Variants in LSAMP observed in about 807,000 individuals in gnomAD.
LSAMP encodes the protein limbic system-associated membrane protein.
Under a neutral mutation model 38.6 loss-of-function variants are expected in LSAMP, and 7 were observed. The ratio of observed to expected loss-of-function variants is 0.18; its 90% CI spans 0.10 to 0.34. The LOEUF (loss-of-function observed/expected upper bound fraction) is 0.34. Ranked by LOEUF, LSAMP falls within the 10% of genes least tolerant of loss-of-function variation. The probability of loss-of-function intolerance (pLI) is 1.00; values close to 1 mark genes in which losing one functional copy is unlikely to be tolerated. For synonymous variants in LSAMP, 154 were observed against 166.8 expected (o/e 0.92, Z 0.59); for missense variants, 313 against 420.0 (o/e 0.75, Z 2.23).
At chr3:115,872,548 A>G (rs1314297590) in intron 3 of LSAMP, among the ~76,000 whole-genome samples, 1 of 152,122 alleles carries the variant, frequency 6.6e-6, no homozygotes, top group Non-Finnish European at 1.5e-5. Flanking sequence ...CAGGAGGCCG[A>G]TAGGAGATGG....
intron 1 of LSAMP, among the ~76,000 whole-genome samples, chr3:116,304,378 A>G (rs1410331787): frequency 6.6e-6 from 1 of 152,200 alleles, no homozygotes; most frequent in Non-Finnish European, 1.5e-5. Flanking sequence ...AAAGCCAGAA[A>G]GACATTCAGA....
intron 1 of LSAMP, among the ~76,000 whole-genome samples, chr3:116,354,146 T>C (rs1411561939): frequency 6.6e-6 from 1 of 152,164 alleles, no homozygotes; most frequent in African/African-American, 2.4e-5. Flanking sequence ...GCTAATAGAA[T>C]AGTTGGTCTT....
At chr3:116,322,259 C>T (rs1345035742) in intron 1 of LSAMP, among the ~76,000 whole-genome samples, 1 of 152,104 alleles carries the variant, frequency 6.6e-6, no homozygotes, top group Non-Finnish European at 1.5e-5. Context: ...AACTGTTGGA[C>T]ACTTTTGGTA....
At chr3:115,817,313 A>G (rs1934061977) in intron 6 of LSAMP, among the ~76,000 whole-genome samples, 1 of 152,182 alleles carries the variant, frequency 6.6e-6, no homozygotes, top group Non-Finnish European at 1.5e-5. Flanking sequence ...TGTTATGCAT[A>G]TACTTTTTGC....
intron 6 of LSAMP, among the ~76,000 whole-genome samples, chr3:115,813,836 C>A (rs1028774505): frequency 2.0e-5 from 3 of 152,102 alleles, no homozygotes; most frequent in African/African-American, 7.2e-5. Flanking sequence ...TGTGGAAATG[C>A]AAATGATAAA....
intron 1 of LSAMP, among the ~76,000 whole-genome samples, chr3:116,331,921 T>C (rs2047858340): frequency 6.6e-6 from 1 of 152,148 alleles, no homozygotes; most frequent in Non-Finnish European, 1.5e-5. Flanking sequence ...CTCACTCACC[T>C]TGAAGATCTG....
At chr3:115,920,373 C>T (rs990258836) in intron 3 of LSAMP, among the ~76,000 whole-genome samples, 3 of 152,134 alleles carry the variant, frequency 2.0e-5, no homozygotes, top group Non-Finnish European at 2.9e-5. Context: ...TTTTTCCTCT[C>T]TCTCTCTCTT....
Position 115,807,412 on chromosome 3 carries a change from T to G in LSAMP, c.*2905A>C, listed in dbSNP as rs1308538631. 1 of 152,170 alleles carries G rather than the reference T, an allele frequency of 6.6e-6. No individual in the cohort carries two copies. The highest frequency in any genetic ancestry group is 1.5e-5 in the Non-Finnish European group (1 of 68,028). The allele number at this position is 152,170 out of a possible 1,614,324, so 9.4% of individuals were successfully genotyped here. Reference sequence around the variant, plus strand: ...ACATTTAAATATATGTTTAATTATGTTTAATATATGGTCCATTATATTAAA... The same window carrying G: ...ACATTTAAATATATGTTTAATTATGGTTAATATATGGTCCATTATATTAAA... On this transcript the variant is annotated 3_prime_UTR_variant, in exon 7 of 7. Transcript: ENST00000490035.
At chr3:116,378,278 C>T (rs1422486648) in intron 1 of LSAMP, among the ~76,000 whole-genome samples, 3 of 151,818 alleles carry the variant, frequency 2.0e-5, no homozygotes, top group Non-Finnish European at 4.4e-5. Context: ...GTATTTTTTT[C>T]AAGGGATCAT....
intron 4 of LSAMP, among the ~76,000 whole-genome samples, chr3:115,843,476 C>A (rs1202589139): frequency 6.6e-6 from 1 of 152,162 alleles, no homozygotes; most frequent in East Asian, 1.9e-4. Flanking sequence ...AGGTTATGGG[C>A]CTTCAAGGAG....
At chr3:116,381,462 G>A (rs558442139) in intron 1 of LSAMP, among the ~76,000 whole-genome samples, 3 of 152,166 alleles carry the variant, frequency 2.0e-5, no homozygotes, top group South Asian at 4.2e-4. Flanking sequence ...GTATTATAAA[G>A]AGCATTCTCT....
intron 3 of LSAMP, among the ~76,000 whole-genome samples, chr3:115,874,297 G>A (rs1387975198): frequency 6.6e-6 from 1 of 151,948 alleles, no homozygotes; most frequent in Non-Finnish European, 1.5e-5. Context: ...TCTCCTTTAG[G>A]AAGTCTGTCT....
At chr3:116,147,924 TCTTC>T in intron 1 of LSAMP, among the ~76,000 whole-genome samples, 1 of 152,088 alleles carries the variant, frequency 6.6e-6, no homozygotes, top group South Asian at 2.1e-4. Flanking sequence ...TGGGTCTAAC[TCTTC>T]CTTATTCTTT....
chr3:116,171,135 A>G (rs1195510542), intron 1 of LSAMP, among the ~76,000 whole-genome samples: 1 of 152,104 alleles, frequency 6.6e-6, no homozygotes, highest in African/African-American at 2.4e-5. Flanking sequence ...CTATAAATGG[A>G]GGTCATAATA....
intron 3 of LSAMP, among the ~76,000 whole-genome samples, chr3:116,017,351 A>C (rs1940511627): frequency 6.6e-6 from 1 of 152,144 alleles, no homozygotes; most frequent in Non-Finnish European, 1.5e-5. Flanking sequence ...CTTGAATAGA[A>C]TCTTTCTTCC....
chr3:116,005,080 T>C (rs1223246804), intron 3 of LSAMP, among the ~76,000 whole-genome samples: 1 of 152,130 alleles, frequency 6.6e-6, no homozygotes, highest in East Asian at 1.9e-4. Context: ...ATAGCAATAG[T>C]AGTAATGGTG....
At chr3:116,315,604 T>C (rs569768912) in intron 1 of LSAMP, among the ~76,000 whole-genome samples, 2 of 152,296 alleles carry the variant, frequency 1.3e-5, no homozygotes, top group Non-Finnish European at 2.9e-5. Flanking sequence ...ACCCAGAGAA[T>C]AGTTATTTAC....
chr3:115,867,005 G>A (rs1935880177), intron 3 of LSAMP, among the ~76,000 whole-genome samples: 1 of 151,968 alleles, frequency 6.6e-6, no homozygotes, highest in Admixed American at 6.6e-5. Context: ...TGAAAGAAGA[G>A]GATGCTGCTA....
At chr3:116,131,258 T>A (rs1293209094) in intron 1 of LSAMP, among the ~76,000 whole-genome samples, 1 of 152,048 alleles carries the variant, frequency 6.6e-6, no homozygotes, top group Admixed American at 6.6e-5. Context: ...CCCTAAGAGC[T>A]GGGATTACAG....
Sources: gnomAD v4.1 joint callset for allele counts (sites outside exome capture counted in the v4.1 genomes callset) on GRCh38, gnomAD v4.1.1 for gene constraint, MANE v1.5 for transcripts, NCBI Gene and HGNC (gene_info 2026-07-23, HGNC 2026-07-21) for gene names.